The following COG5 variants were observed in gnomAD, a reference collection of about 807,000 sequenced individuals.
COG5 encodes conserved oligomeric Golgi complex subunit 5.
COG5 carries 86 observed loss-of-function variants against 110.4 expected under a neutral mutation model. The observed-to-expected ratio is 0.78, with a 90% CI of 0.65 to 0.93. The LOEUF (loss-of-function observed/expected upper bound fraction) is 0.93. COG5 is among the 40% of genes least tolerant of loss of function. COG5 has a pLI of 0.00. For missense variants in COG5, 1,077 were observed against 987.0 expected, an observed-to-expected ratio of 1.09 and a Z score of -1.22; for synonymous variants, 360 against 334.6, an observed-to-expected ratio of 1.08 and a Z score of -0.83.
Position 107,547,170 on chromosome 7 carries a change from T to C in COG5, c.417+941A>G, listed in dbSNP as rs151262156. ...ATTCAGTAGCACATTAGAAGAATCA[T>C]TCACCATGATCAAGTGAGATTTATC... On this transcript the variant is annotated intron_variant, in intron 5 of 21. Coordinates refer to ENST00000297135, the MANE Select transcript of COG5 (RefSeq NM_006348.5). Among the ~76,000 whole-genome samples, 248 of 152,294 alleles carry C rather than the reference T, an allele frequency of 1.6e-3. 1 individual carries two copies. Among genetic ancestry groups the C allele is most frequent in the African/African-American group, 5.6e-3 (234 of 41,562 alleles).
At chr7:107,403,560 C>T (rs989750088) in intron 7 of COG5, among the ~76,000 whole-genome samples, 6 of 151,782 alleles carry the variant, frequency 4.0e-5, no homozygotes, top group Admixed American at 3.3e-4. Flanking sequence ...CCCAACAGGC[C>T]CCGGTGTGTG....
intron 7 of COG5, among the ~76,000 whole-genome samples, chr7:107,405,750 C>T (rs961379578): frequency 3.9e-5 from 6 of 151,938 alleles, no homozygotes; most frequent in African/African-American, 1.5e-4. Flanking sequence ...ATCCTAACTG[C>T]CAAGGTGATA....
At chr7:107,541,276 T>C (rs1361860914) in intron 5 of COG5, among the ~76,000 whole-genome samples, 1 of 150,882 alleles carries the variant, frequency 6.6e-6, no homozygotes, top group African/African-American at 2.4e-5. Context: ...ACAGGTGGAA[T>C]GCTTGACCTC....
chr7:107,270,056 T>C (rs193072978), intron 14 of COG5, among the ~76,000 whole-genome samples: 12 of 152,346 alleles, frequency 7.9e-5, no homozygotes, highest in Admixed American at 2.0e-4. Flanking sequence ...GCTTCAGTAA[T>C]TGCCAGGCTG....
At chr7:107,281,445 T>C (rs768531753) in intron 13 of COG5, 46 bp from the exon 14 acceptor site, 13 of 1,344,118 alleles carry the variant, frequency 9.7e-6, no homozygotes, top group Non-Finnish European at 1.4e-5. Context: ...ACATCATTCA[T>C]CAACAAAGTA....
intron 7 of COG5, among the ~76,000 whole-genome samples, chr7:107,372,992 A>G (rs901036976): frequency 2.0e-5 from 3 of 152,094 alleles, no homozygotes; most frequent in Non-Finnish European, 4.4e-5. Flanking sequence ...CCCCCTTACC[A>G]TTTTTGTCCT....
intron 6 of COG5, among the ~76,000 whole-genome samples, chr7:107,510,812 T>A (rs997478171): frequency 6.6e-6 from 1 of 152,038 alleles, no homozygotes; most frequent in African/African-American, 2.4e-5. Flanking sequence ...CATAACGAAA[T>A]GAAGGCAGAA....
intron 6 of COG5, among the ~76,000 whole-genome samples, chr7:107,415,931 CACAT>C (rs1224663006): frequency 1.6e-5 from 2 of 126,244 alleles, no homozygotes; most frequent in Non-Finnish European, 3.4e-5. Flanking sequence ...TATATACACA[CACAT>C]ACACGTATGT....
At chr7:107,376,780 A>G (rs977687931) in intron 7 of COG5, among the ~76,000 whole-genome samples, 2 of 152,062 alleles carry the variant, frequency 1.3e-5, no homozygotes, top group Non-Finnish European at 2.9e-5. Context: ...GATTTTTAGA[A>G]ATGCCCTTTA....
rs145648013 is a variant in COG5 at position 107,211,123 on chromosome 7, G to A, written c.2271C>T (p.Pro757=). 640 of 1,614,054 alleles carry A rather than the reference G, an allele frequency of 4.0e-4. 6 individuals are homozygous for A. The East Asian group carries it at 0.013, about 32-fold the overall frequency. Residue 757 remains proline (P), a synonymous_variant, in exon 20 of 22, where the codon CCC becomes CCT. Coordinates refer to ENST00000297135, the MANE Select transcript of COG5 (RefSeq NM_006348.5). ...CCTGGAAAGGAGATTTCAGTTCAGCGGGTGCTCTCGTGAACAAAAACTGAA... is the reference window on the plus strand; with the variant it reads ...CCTGGAAAGGAGATTTCAGTTCAGCAGGTGCTCTCGTGAACAAAAACTGAA... The part of the protein sequence containing the change: ...IIIQFLFTRA[P]AELKSPFQRA...
In COG5 at chr7:107,334,893, C is replaced by T. The variant is rs542056998; in HGVS notation, c.1027-10372G>A. 1.2e-3 allele frequency among the ~76,000 whole-genome samples: 180 copies of T among 152,214 alleles called. 2 individuals are homozygous for T. Among genetic ancestry groups the T allele is most frequent in the African/African-American group, 4.1e-3 (169 of 41,572 alleles). ...AGAATACTCTAATACTGTAACTGTG[C>T]TGTGTGATCCACTCATAACTCTAGC... On this transcript the variant is annotated intron_variant, in intron 10 of 21. Transcript: ENST00000297135.
intron 1 of COG5, 175 bp downstream of exon 1, chr7:107,563,628 A>G (rs1804181609): frequency 1.4e-6 from 1 of 705,924 alleles, no homozygotes; most frequent in South Asian, 1.5e-5. Flanking sequence ...AGCCAGTCCC[A>G]GAGTAAATAG....
At chr7:107,251,286 T>C (rs1219949984) in intron 16 of COG5, among the ~76,000 whole-genome samples, 2 of 152,186 alleles carry the variant, frequency 1.3e-5, no homozygotes, top group East Asian at 3.8e-4. Flanking sequence ...ATTTTCTGTA[T>C]AAACATCCTT....
chr7:107,463,069 G>A (rs569832829), intron 6 of COG5, among the ~76,000 whole-genome samples: 2 of 152,344 alleles, frequency 1.3e-5, no homozygotes, highest in African/African-American at 4.8e-5. Context: ...AACTGCATCA[G>A]CTTTTAATTG....
At chr7:107,512,261 CAG>C (rs886531603) in intron 6 of COG5, among the ~76,000 whole-genome samples, 21 of 152,220 alleles carry the variant, frequency 1.4e-4, no homozygotes, top group Admixed American at 1.4e-3. Context: ...AACAGACAAA[CAG>C]AGAGCCAAAT....
rs1295652370 is a variant in COG5, at chr7:107,270,998, C to T, written c.1575+10302G>A. Among the ~76,000 whole-genome samples, 9 of 142,590 alleles carry T rather than the reference C, an allele frequency of 6.3e-5. No homozygotes were observed. The South Asian group carries it at 1.4e-3, about 21-fold the overall frequency. The allele number at this position is 142,590 out of a possible 152,430, so 93.5% of individuals were successfully genotyped here. A position where few individuals can be genotyped will look rare whatever the true frequency, so the allele number is the denominator to read the frequency against. ...CCCTCAGTTTGCTGGGATTTACAGG[C>T]GTGAGACACCACACCTGGCCTTTAC... On this transcript the variant is annotated intron_variant, in intron 14 of 21. Coordinates refer to ENST00000297135, the MANE Select transcript of COG5 (RefSeq NM_006348.5).
intron 10 of COG5, among the ~76,000 whole-genome samples, chr7:107,335,672 A>G (rs1366031947): frequency 3.9e-5 from 6 of 152,192 alleles, no homozygotes; most frequent in African/African-American, 1.4e-4. Flanking sequence ...TAAAAGACAC[A>G]GAGTAGCTGA....
chr7:107,438,584 C>T (rs1028033738), intron 6 of COG5, among the ~76,000 whole-genome samples: 3 of 152,194 alleles, frequency 2.0e-5, no homozygotes, highest in African/African-American at 7.2e-5. Flanking sequence ...CTCCCAACTA[C>T]AAACTTAGGA....
intron 20 of COG5, 44 bp downstream of exon 20, chr7:107,211,055 T>C: frequency 6.2e-7 from 1 of 1,609,324 alleles, no homozygotes; most frequent in South Asian, 1.1e-5. Context: ...ACACAGGTAA[T>C]GGGAAGAGTC....
Sources: allele counts gnomAD v4.1 joint callset (sites outside exome capture counted in the v4.1 genomes callset), GRCh38; gene constraint gnomAD v4.1.1; transcripts MANE v1.5; gene names NCBI Gene and HGNC (gene_info 2026-07-23, HGNC 2026-07-21).